Variants in KDM8 observed in about 807,000 individuals in gnomAD.
KDM8 encodes the protein bifunctional peptidase and arginyl-hydroxylase JMJD5.
KDM8 carries 35 observed loss-of-function variants against 46.9 expected under a neutral mutation model. The ratio of observed to expected loss-of-function variants is 0.75; its 90% CI spans 0.57 to 0.99. The LOEUF (loss-of-function observed/expected upper bound fraction) is 0.99. Among genes scored for constraint, KDM8 ranks in the 50% least tolerant of loss-of-function variants. The probability of loss-of-function intolerance (pLI) is 0.00; values close to 1 mark genes in which losing one functional copy is unlikely to be tolerated. For synonymous variants in KDM8, 232 were observed against 227.7 expected (o/e 1.02, Z -0.17); for missense variants, 475 against 537.0 (o/e 0.88, Z 1.14).
chr16:27,212,505 C>T (rs561236927), intron 2 of KDM8, among the ~76,000 whole-genome samples: 5 of 152,226 alleles, frequency 3.3e-5, no homozygotes, highest in East Asian at 1.9e-4. Flanking sequence ...AGGCTGAGGC[C>T]GGCAGATCAC....
In KDM8 at chr16:27,218,965, C is replaced by T. The variant is rs760996994; in HGVS notation, c.848C>T (p.Pro283Leu). The change falls in exon 6 of 8, where the codon CCG (proline) becomes CTG (leucine). Residue 283 changes from proline (P) to leucine (L), a missense_variant. Transcript: ENST00000286096. ...TGTCTGCTCTGCCGCCCACAGATCC[C>T]GGAGTTGAAGCAGGACATCAGCATC... The part of the protein sequence containing the change: ...LAQHQLFDQI[P>L]ELKQDISIPD... 8 of 1,613,970 alleles carry T rather than the reference C, an allele frequency of 5.0e-6. No individual in the cohort carries two copies. The highest frequency in any genetic ancestry group is 4.5e-5 in the East Asian group (2 of 44,894).
At chr16:27,214,290 G>A (rs1020379759) in intron 3 of KDM8, 1 of 155,900 alleles carries the variant, frequency 6.4e-6, no homozygotes, top group African/African-American at 2.4e-5. Context: ...TTTCGCGGAG[G>A]GAATGGTACC....
chr16:27,210,153 GC>G lies in KDM8; in HGVS notation c.34del (p.Leu12TrpfsTer22). The G allele has an allele frequency of 6.2e-7, 1 of 1,613,436 alleles. No homozygotes were observed. The highest frequency in any genetic ancestry group is 8.5e-7 in the Non-Finnish European group (1 of 1,180,016). On this transcript the variant is annotated frameshift_variant, in exon 2 of 8. Transcript: ENST00000286096. LOFTEE classifies it high-confidence loss of function. ...CTGGAGACACCCACTGCCCCGCAGA[GC>G]CCCTGGCCAGAGAAGGCACTTTATG... The part of the protein sequence containing the change: MAGDTHCPAE[P>X]LAREGTLWEA...
chr16:27,209,780 G>A (rs2140964703), intron 1 of KDM8, among the ~76,000 whole-genome samples: 1 of 152,354 alleles, frequency 6.6e-6, no homozygotes, highest in East Asian at 1.9e-4. Flanking sequence ...GGATATTTAA[G>A]ATGGGCTTTA....
Position 27,220,878 on chromosome 16 carries a change from C to CTCCA in KDM8, c.*149_*152dup. On this transcript the variant is annotated 3_prime_UTR_variant, in exon 8 of 8. Transcript: ENST00000286096. ...CCAGTGGCAGCCCTGGGGGGCTGAG[C>CTCCA]TCCAGCACTGGACAGGCACAGAGCA... The CTCCA allele has an allele frequency of 1.1e-6, 1 of 931,768 alleles. No individual in the cohort carries two copies. 57.7% of individuals were successfully genotyped at this position (931,768 alleles called of 1,614,324 possible).
rs2083509357 is a variant in KDM8, at chr16:27,213,496, C to A, written c.499-89C>A. ...CTGGTACTCTTGACAGCTAAGCTCT[C>A]CTACCCCTGACACAGGTTCCTGGTG... On this transcript the variant is annotated intron_variant, in intron 2 of 7. Transcript: ENST00000286096. 4 of 1,389,704 alleles carry A rather than the reference C, an allele frequency of 2.9e-6. No individual in the cohort carries two copies. The African/African-American group carries it at 5.7e-5, about 20-fold the overall frequency. The allele number at this position is 1,389,704 out of a possible 1,614,324, so 86.1% of individuals were successfully genotyped here.
At chr16:27,205,572 C>T (rs1470700320) in intron 1 of KDM8, among the ~76,000 whole-genome samples, 1 of 152,068 alleles carries the variant, frequency 6.6e-6, no homozygotes, top group Non-Finnish European at 1.5e-5. Flanking sequence ...CCGGGCGTGG[C>T]GGCTCACACC....
At chr16:27,207,977 T>G (rs1207235205) in intron 1 of KDM8, among the ~76,000 whole-genome samples, 2 of 152,244 alleles carry the variant, frequency 1.3e-5, no homozygotes, top group African/African-American at 4.8e-5. Flanking sequence ...TATACAGCCA[T>G]CCTGAAGCCT....
Position 27,220,671 on chromosome 16 carries a change from T to A in KDM8, c.1192T>A (p.Tyr398Asn), listed in dbSNP as rs147629899. 1.9e-4 allele frequency: 299 copies of A among 1,613,984 alleles called. No homozygotes were observed. Among genetic ancestry groups the A allele is most frequent in the Non-Finnish European group, 1.2e-4 (146 of 1,180,022 alleles). ...PGEILFIPVKYWHYVRALDLS... is the reference protein window; with the variant it reads ...PGEILFIPVKNWHYVRALDLS... ...AGAGATCCTGTTCATCCCGGTGAAATACTGGCATTACGTGCGGGCTCTGGA... is the reference window on the plus strand; with the variant it reads ...AGAGATCCTGTTCATCCCGGTGAAAAACTGGCATTACGTGCGGGCTCTGGA... The change falls in exon 8 of 8, where the codon TAC (tyrosine) becomes AAC (asparagine). Residue 398 changes from tyrosine to asparagine, a missense_variant. Transcript: ENST00000286096.
chr16:27,208,097 C>A (rs1320133446), intron 1 of KDM8, among the ~76,000 whole-genome samples: 2 of 152,246 alleles, frequency 1.3e-5, no homozygotes, highest in African/African-American at 4.8e-5. Flanking sequence ...AAGGCTATTT[C>A]ATGTGGCCAA....
intron 1 of KDM8, chr16:27,204,210 T>G: frequency 1.4e-6 from 2 of 1,450,700 alleles, no homozygotes; most frequent in Non-Finnish European, 1.8e-6. Context: ...GGTGTGTGAC[T>G]GCCCTAAGGA....
At chr16:27,205,417 T>G (rs1214761805) in intron 1 of KDM8, among the ~76,000 whole-genome samples, 2 of 152,110 alleles carry the variant, frequency 1.3e-5, no homozygotes, top group African/African-American at 4.8e-5. Flanking sequence ...TCAAAAGCTG[T>G]TTTATGCAAC....
chr16:27,213,935 G>C (rs1214156196), intron 3 of KDM8, 184 bp downstream of exon 3: 2 of 611,106 alleles, frequency 3.3e-6, no homozygotes, highest in Non-Finnish European at 5.5e-6. Flanking sequence ...TTATGCCGCA[G>C]GTTATGGGAT....
chr16:27,208,948 A>C (rs749669930), intron 1 of KDM8, among the ~76,000 whole-genome samples: 28 of 152,268 alleles, frequency 1.8e-4, no homozygotes, highest in Non-Finnish European at 3.2e-4. Flanking sequence ...TTATAAGCTC[A>C]GCCCTGTGGA....
At position 27,210,176 on chromosome 16, in the gene KDM8, T is replaced by C. The variant is rs747761864; in HGVS notation, c.53T>C (p.Leu18Ser). 1 of 1,613,480 alleles carries C rather than the reference T, an allele frequency of 6.2e-7. No individual in the cohort carries two copies. The highest frequency in any genetic ancestry group is 1.1e-5 in the South Asian group (1 of 91,092). The change falls in exon 2 of 8, where the codon TTA (leucine) becomes TCA (serine). Residue 18 changes from leucine to serine, a missense_variant. By Grantham distance (145) the Leu-to-Ser change is moderately radical. Transcript: ENST00000286096. ...PAEPLAREGTLWEALRALLPH... is the reference protein window; with the variant it reads ...PAEPLAREGTSWEALRALLPH... ...GAGCCCCTGGCCAGAGAAGGCACTTTATGGGAGGCCCTCAGGGCGCTCCTG... is the reference window on the plus strand; with the variant it reads ...GAGCCCCTGGCCAGAGAAGGCACTTCATGGGAGGCCCTCAGGGCGCTCCTG...
chr16:27,206,872 T>G (rs1206324066), intron 1 of KDM8, among the ~76,000 whole-genome samples: 2 of 152,164 alleles, frequency 1.3e-5, no homozygotes, highest in Non-Finnish European at 2.9e-5. Context: ...CCCTGGAAGA[T>G]TGTTTCATAC....
intron 1 of KDM8, chr16:27,206,272 CT>C (rs112161125): frequency 0.08 from 58,266 of 730,334 alleles, 32 homozygotes; most frequent in Non-Finnish European, 0.086. Context: ...TGTGCGTGTG[CT>C]TTTTTTTTTT....
intron 1 of KDM8, chr16:27,204,005 A>T: frequency 9.0e-7 from 1 of 1,116,322 alleles, no homozygotes; most frequent in Non-Finnish European, 1.3e-6. Context: ...ATACTCTGCT[A>T]TATGTGTGTC....
At chr16:27,213,487 C>T (rs568138789) in intron 2 of KDM8, 98 bp from the exon 3 acceptor site, 70 of 1,252,292 alleles carry the variant, frequency 5.6e-5, no homozygotes, top group Non-Finnish European at 7.3e-5. Flanking sequence ...CTCTTGACAG[C>T]TAAGCTCTCC....
Sources: allele counts gnomAD v4.1 joint callset (sites outside exome capture counted in the v4.1 genomes callset), GRCh38; gene constraint gnomAD v4.1.1; transcripts MANE v1.5; gene names NCBI Gene and HGNC (gene_info 2026-07-23, HGNC 2026-07-21).